The following COMMD4 variants were observed in gnomAD, a reference collection of about 807,000 sequenced individuals.
The protein encoded by COMMD4 is COMM domain containing 4, also known as COMM domain-containing protein 4.
COMMD4 carries 18 observed loss-of-function variants against 27.5 expected under a neutral mutation model. The observed-to-expected ratio is 0.65, with a 90% CI of 0.45 to 0.97. COMMD4 has a LOEUF of 0.97. Ranked by LOEUF, COMMD4 falls within the 50% of genes least tolerant of loss-of-function variation. COMMD4 has a pLI of 0.00. For synonymous variants in COMMD4, 108 were observed against 108.4 expected (o/e 1.00, Z 0.02); for missense variants, 243 against 250.0 (o/e 0.97, Z 0.19).
At chr15:75,337,964 C>T (rs1217018559) in intron 1 of COMMD4, 98 bp from the exon 2 acceptor site, 3 of 1,260,800 alleles carry the variant, frequency 2.4e-6, no homozygotes, top group African/African-American at 1.5e-5. Context: ...ATGTCGGGGA[C>T]CAGGGGTCCC....
chr15:75,342,558 A>G (rs1040606666), downstream of COMMD4: 1 of 152,110 alleles, frequency 6.6e-6, no homozygotes, highest in South Asian at 2.1e-4. Flanking sequence ...TTAAATTCAT[A>G]GAAGTCGACA....
chr15:75,343,001 G>A (rs2071439862), downstream of COMMD4: 1 of 152,074 alleles, frequency 6.6e-6, no homozygotes, highest in Non-Finnish European at 1.5e-5. Context: ...TGTATTTTTT[G>A]TAGAGACTGG....
intron 3 of COMMD4, 68 bp downstream of exon 3, chr15:75,338,488 C>G: frequency 1.9e-6 from 3 of 1,594,200 alleles, no homozygotes; most frequent in Non-Finnish European, 2.6e-6. Context: ...AAACTCTGCA[C>G]TAGGCCCAGG....
chr15:75,338,234 G>A (rs2141290367), intron 2 of COMMD4, 101 bp downstream of exon 2: 2 of 1,498,402 alleles, frequency 1.3e-6, no homozygotes, highest in Non-Finnish European at 9.1e-7. Context: ...GGGCCTCAGT[G>A]CTCTCAGCCT....
downstream of COMMD4, chr15:75,341,128 AAG>A (rs1388804075): frequency 2.6e-5 from 4 of 153,594 alleles, no homozygotes; most frequent in African/African-American, 9.6e-5. Context: ...CAAGGCCAGA[AAG>A]AGGGCTGTCA....
chr15:75,338,842 C>T (rs766114279), intron 4 of COMMD4, 143 bp from the exon 5 acceptor site: 11 of 1,456,024 alleles, frequency 7.6e-6, no homozygotes, highest in Non-Finnish European at 1.0e-5. Flanking sequence ...TCCCACCTTC[C>T]TGTCCTCTGC....
chr15:75,336,119 T>A (rs369533129), intron 1 of COMMD4, 27 bp downstream of exon 1: 177 of 1,549,626 alleles, frequency 1.1e-4, no homozygotes, highest in Admixed American at 3.1e-4. Context: ...GAAGCGAGGC[T>A]TGGGCTGCTG....
At chr15:75,342,611 G>A (rs568839881), downstream of COMMD4, 13 of 152,326 alleles carry the variant, frequency 8.5e-5, no homozygotes, top group African/African-American at 3.1e-4. Context: ...GAGAGGGTGG[G>A]TTGTGGGGAA....
intron 1 of COMMD4, 153 bp downstream of exon 1, chr15:75,336,245 A>G: frequency 2.0e-6 from 3 of 1,525,526 alleles, no homozygotes; most frequent in Non-Finnish European, 2.6e-6. Context: ...GGAAAAGTCC[A>G]CCACTCTCCC....
downstream of COMMD4, chr15:75,342,043 G>T (rs2071432406): frequency 8.5e-6 from 1 of 117,420 alleles, no homozygotes; most frequent in African/African-American, 3.3e-5. Flanking sequence ...ACTCCAGCCT[G>T]GATAACAGAG....
intron 5 of COMMD4, 35 bp downstream of exon 5, chr15:75,339,139 G>C: frequency 5.6e-6 from 9 of 1,612,550 alleles, no homozygotes; most frequent in Non-Finnish European, 7.6e-6. Flanking sequence ...GGCAGCCTGT[G>C]GGCCAAGGGC....
In COMMD4 at chr15:75,339,949, C is replaced by T. The variant is rs1215945142; in HGVS notation, c.560-16C>T. The T allele has an allele frequency of 2.5e-6, 4 of 1,614,176 alleles. No homozygotes were observed. Among genetic ancestry groups the T allele is most frequent in the Non-Finnish European group, 3.4e-6 (4 of 1,180,014 alleles). ...CGCCTGACTGCCTCCCACCTGCCCA[C>T]CTCTTCCCTCTGCAGAACTGAAGCA... On this transcript the variant is annotated splice_polypyrimidine_tract_variant and intron_variant, in intron 7 of 7. Transcript: ENST00000267935.
downstream of COMMD4, chr15:75,340,686 T>G (rs1184563315): frequency 2.0e-5 from 3 of 152,190 alleles, no homozygotes; most frequent in East Asian, 5.8e-4. Context: ...TATTTTGAGA[T>G]GGTACAGTGG....
chr15:75,340,766 AGGT>A (rs1393458028), downstream of COMMD4: 1 of 149,468 alleles, frequency 6.7e-6, no homozygotes, highest in East Asian at 2.0e-4. Context: ...CTGCCCGAGT[AGGT>A]GGGATTACAG....
rs2071304015 is a variant in COMMD4 at position 75,338,458 on chromosome 15, T to C, written c.141+38T>C. On this transcript the variant is annotated intron_variant, in intron 3 of 7. Transcript: ENST00000267935. ...TCCAGCACCCCATTGTCCCATGACCTTATGACCACCACTGCCCTGAAACTC... is the reference window on the plus strand; with the variant it reads ...TCCAGCACCCCATTGTCCCATGACCCTATGACCACCACTGCCCTGAAACTC... The C allele has an allele frequency of 1.9e-6, 3 of 1,606,906 alleles. No individual in the cohort carries two copies. In the African/African-American group the frequency reaches 4.0e-5, roughly 21 times the overall value.
At chr15:75,337,645 G>A in intron 1 of COMMD4, 1 of 209,204 alleles carries the variant, frequency 4.8e-6, no homozygotes, top group East Asian at 1.2e-4. Flanking sequence ...AGGCATGGAG[G>A]CGGGAGCAAG....
rs2071190500 is a variant in COMMD4, at chr15:75,336,437, C to G, written c.3+345C>G. 1.3e-5 allele frequency: 8 copies of G among 609,040 alleles called. No individual in the cohort carries two copies. The East Asian group carries it at 2.4e-4, about 18-fold the overall frequency. The allele number at this position is 609,040 out of a possible 1,614,324, so 37.7% of individuals were successfully genotyped here. On this transcript the variant is annotated intron_variant, in intron 1 of 7. Transcript: ENST00000267935. ...TCCCCAAGAGGACCTCCCAAGGATA[C>G]CCCCTTCCCCAGCCCTGCCGTGGGG...
At chr15:75,339,445 T>C in intron 6 of COMMD4, 101 bp downstream of exon 6, 1 of 1,516,026 alleles carries the variant, frequency 6.6e-7, no homozygotes, top group Non-Finnish European at 9.0e-7. Context: ...CACGGTCACA[T>C]GGTTACTAGC....
chr15:75,338,838 C>T, intron 4 of COMMD4, 147 bp from the exon 5 acceptor site: 1 of 1,437,546 alleles, frequency 7.0e-7, no homozygotes, highest in Non-Finnish European at 9.7e-7. Context: ...ACAGTCCCAC[C>T]TTCCTGTCCT....
Sources: allele counts gnomAD v4.1 joint callset, GRCh38; gene constraint gnomAD v4.1.1; transcripts MANE v1.5; gene names NCBI Gene and HGNC (gene_info 2026-07-23, HGNC 2026-07-21).